The following ATG16L1 variants were observed in gnomAD, a reference collection of about 807,000 sequenced individuals.
The protein encoded by ATG16L1 is autophagy-related protein 16-1.
ATG16L1 carries 37 observed loss-of-function variants against 88.5 expected under a neutral mutation model. That is an observed-to-expected ratio of 0.42 (90% CI 0.32 to 0.55). The LOEUF (loss-of-function observed/expected upper bound fraction) is 0.55. ATG16L1 is among the 20% of genes least tolerant of loss of function. The pLI, the probability that ATG16L1 is intolerant of heterozygous loss-of-function variation, is 0.13. For synonymous variants in ATG16L1, 301 were observed against 281.0 expected (o/e 1.07, Z -0.71); for missense variants, 554 against 752.8 (o/e 0.74, Z 3.09).
At chr2:233,265,268 C>T in intron 5 of ATG16L1, 125 bp downstream of exon 5, 2 of 1,256,616 alleles carry the variant, frequency 1.6e-6, no homozygotes, top group Non-Finnish European at 2.2e-6. Context: ...TTCAGTGTTT[C>T]AAGGAGAAAA....
chr2:233,281,337 T>C (rs944380692), intron 11 of ATG16L1, among the ~76,000 whole-genome samples, 162 bp downstream of exon 11: 5 of 152,238 alleles, frequency 3.3e-5, no homozygotes, highest in African/African-American at 7.2e-5. Flanking sequence ...GGTTAATTGC[T>C]GTATCAACTC....
intron 9 of ATG16L1, chr2:233,275,410 A>G (rs966256254): frequency 3.5e-6 from 1 of 288,318 alleles, no homozygotes; most frequent in African/African-American, 2.2e-5. Context: ...ACAGAGCACA[A>G]AGAACAGAAC....
intron 11 of ATG16L1, among the ~76,000 whole-genome samples, chr2:233,282,365 G>A (rs1268174389): frequency 1.3e-5 from 2 of 152,162 alleles, no homozygotes; most frequent in Non-Finnish European, 2.9e-5. Context: ...GTGCCTCTGA[G>A]GTTTCTGACT....
chr2:233,281,151 T>C lies in ATG16L1; in HGVS notation c.1107T>C (p.Ile369=), dbSNP rs759216065. ...KGSLSGSNAG[I]TSIEFDSAGS... is the part of the protein sequence containing the mutation. ...CCCTATCTGGCAGTAATGCAGGAAT[T>C]ACAAGCATTGAATTTGATAGTGCTG... Residue 369 remains isoleucine (I), a synonymous_variant, in exon 11 of 18, where the codon ATT becomes ATC. Coordinates refer to ENST00000392017, the MANE Select transcript of ATG16L1 (RefSeq NM_030803.7). The C allele has an allele frequency of 6.2e-7, 1 of 1,603,890 alleles. No homozygotes were observed. The highest frequency in any genetic ancestry group is 8.5e-7 in the Non-Finnish European group (1 of 1,177,344).
At chr2:233,265,583 C>T (rs1360178175) in intron 5 of ATG16L1, among the ~76,000 whole-genome samples, 2 of 152,176 alleles carry the variant, frequency 1.3e-5, no homozygotes, top group African/African-American at 4.8e-5. Context: ...GATTCTCCTG[C>T]CTCAGCCTCC....
intron 12 of ATG16L1, among the ~76,000 whole-genome samples, chr2:233,289,488 C>T (rs1006906653): frequency 6.6e-6 from 1 of 151,896 alleles, no homozygotes; most frequent in Non-Finnish European, 1.5e-5. Flanking sequence ...CAGGCTCAAG[C>T]AATCCTCTTG....
chr2:233,294,483 T>C lies in ATG16L1; in HGVS notation c.*133T>C, dbSNP rs2125307444. The C allele has an allele frequency of 1.7e-6, 1 of 596,390 alleles. No homozygotes were observed. The highest frequency in any genetic ancestry group is 2.9e-6 in the Non-Finnish European group (1 of 350,468). The allele number at this position is 596,390 out of a possible 1,614,324, so 36.9% of individuals were successfully genotyped here. On this transcript the variant is annotated 3_prime_UTR_variant, in exon 18 of 18. Transcript: ENST00000392017. Reference sequence around the variant, plus strand: ...CAGAGAAGCTCAAGCTATGTGGCACTGTAGCTTTGCCGTGAATGGGATTTC... The same window carrying C: ...CAGAGAAGCTCAAGCTATGTGGCACCGTAGCTTTGCCGTGAATGGGATTTC...
chr2:233,253,050 C>T (rs543594555), intron 1 of ATG16L1, among the ~76,000 whole-genome samples: 2 of 152,252 alleles, frequency 1.3e-5, no homozygotes, highest in East Asian at 3.9e-4. Flanking sequence ...AACTAAATCA[C>T]AAGTATCACA....
chr2:233,288,731 G>T (rs1407025644), intron 12 of ATG16L1: 1 of 517,440 alleles, frequency 1.9e-6, no homozygotes, highest in Non-Finnish European at 3.9e-6. Flanking sequence ...CGGCATCCCA[G>T]TTATCCCCAG....
intron 12 of ATG16L1, among the ~76,000 whole-genome samples, chr2:233,286,643 T>TTTTTTTTTTTG (rs1553608374): frequency 5.4e-4 from 75 of 138,922 alleles, no homozygotes; most frequent in Middle Eastern, 3.6e-3. Context: ...TTTTTTTTTT[T>TTTTTTTTTTTG]GAGACAGTGT....
Position 233,274,721 on chromosome 2 carries a change from T to A in ATG16L1, c.897T>A (p.Asp299Glu), listed in dbSNP as rs1193226629. The change falls in exon 9 of 18, where the codon GAT becomes GAA. Residue 299 changes from aspartate to glutamate, a missense_variant. This residue lies in a region of ATG16L1 where 370 missense variants were observed against 509.7 expected (regional missense o/e 0.73). Coordinates refer to ENST00000392017, the MANE Select transcript of ATG16L1 (RefSeq NM_030803.7). Reference sequence around the variant, plus strand: ...TCCCAGTCCCCCAGGACAATGTGGATACTCATCCTGGTTCTGGTAAAGAAG... The same window carrying A: ...TCCCAGTCCCCCAGGACAATGTGGAAACTCATCCTGGTTCTGGTAAAGAAG... ...SSFPVPQDNV[D>E]THPGSGKEVR... The A allele has an allele frequency of 6.2e-7, 1 of 1,612,992 alleles. No homozygotes were observed. Among genetic ancestry groups the A allele is most frequent in the Non-Finnish European group, 8.5e-7 (1 of 1,179,008 alleles).
At chr2:233,290,810 A>G (rs1336905335) in intron 14 of ATG16L1, among the ~76,000 whole-genome samples, 1 of 152,188 alleles carries the variant, frequency 6.6e-6, no homozygotes, top group African/African-American at 2.4e-5. Context: ...ATACATGGCA[A>G]GTGAGCAGGA....
rs1176846477 is a variant in ATG16L1 at position 233,273,001 on chromosome 2, C to G, written c.743C>G (p.Ser248Cys). The G allele has an allele frequency of 1.2e-5, 20 of 1,614,134 alleles. No homozygotes were observed. The highest frequency in any genetic ancestry group is 1.6e-5 in the Non-Finnish European group (19 of 1,179,988). The change falls in exon 7 of 18, where the codon TCT (serine) becomes TGT (cysteine). Residue 248 changes from serine to cysteine, a missense_variant. Physicochemically the swap from Ser to Cys is moderately radical, Grantham distance 112. Coordinates refer to ENST00000392017, the MANE Select transcript of ATG16L1 (RefSeq NM_030803.7). Reference sequence around the variant, plus strand: ...ATTGAGGTCATTGTGGATGAAACTTCTGATCACACAGAAGAGACCTCTCCT... The same window carrying G: ...ATTGAGGTCATTGTGGATGAAACTTGTGATCACACAGAAGAGACCTCTCCT... Reference protein sequence around the residue: ...DDIEVIVDETSDHTEETSPVR... With the variant: ...DDIEVIVDETCDHTEETSPVR...
chr2:233,292,325 C>A, intron 15 of ATG16L1, 48 bp downstream of exon 15: 1 of 1,610,414 alleles, frequency 6.2e-7, no homozygotes, highest in East Asian at 2.2e-5. Context: ...CCCAGCCCTG[C>A]TCTCTTAACG....
chr2:233,273,105 G>C, intron 7 of ATG16L1, 53 bp downstream of exon 7: 2 of 1,438,452 alleles, frequency 1.4e-6, no homozygotes, highest in Non-Finnish European at 2.0e-6. Context: ...GCAATATGAA[G>C]GCACATCTGT....
chr2:233,253,284 A>G (rs1696514461), intron 1 of ATG16L1, among the ~76,000 whole-genome samples: 2 of 148,458 alleles, frequency 1.3e-5, no homozygotes, highest in African/African-American at 4.9e-5. Context: ...AGGCCAAGAG[A>G]GATTAGGTAA....
chr2:233,258,433 A>G (rs1361879678), intron 2 of ATG16L1, among the ~76,000 whole-genome samples: 1 of 152,184 alleles, frequency 6.6e-6, no homozygotes, highest in Non-Finnish European at 1.5e-5. Context: ...CCTAGCTTCC[A>G]TCCTTGCTTT....
chr2:233,289,377 A>ATGTG lies in ATG16L1; in HGVS notation c.1204-448_1204-445dup, dbSNP rs56993445. Among the ~76,000 whole-genome samples the ATGTG allele has an allele frequency of 5.1e-3, 661 of 129,122 alleles. 7 individuals are homozygous for ATGTG. The highest frequency in any genetic ancestry group is 0.014 in the African/African-American group (472 of 33,144). The allele number at this position is 129,122 out of a possible 152,430, so 84.7% of individuals were successfully genotyped here. A position where few individuals can be genotyped will look rare whatever the true frequency, so the allele number is the denominator to read the frequency against. ...ATTGTTGCTTCTTGTCCTGTTTGGG[A>ATGTG]TGTGTGTGTGTGTGTGTGTGTGTGT... On this transcript the variant is annotated intron_variant, in intron 12 of 17. Coordinates refer to ENST00000392017, the MANE Select transcript of ATG16L1 (RefSeq NM_030803.7).
rs1407263994 is a variant in ATG16L1 at position 233,263,045 on chromosome 2, T to A, written c.210-85T>A. The A allele has an allele frequency of 2.0e-5, 23 of 1,149,602 alleles. No homozygotes were observed. In the Admixed American group the frequency reaches 4.3e-4, roughly 21 times the overall value. 71.2% of individuals were successfully genotyped at this position (1,149,602 alleles called of 1,614,324 possible). On this transcript the variant is annotated intron_variant, in intron 2 of 17. Transcript: ENST00000392017. ...ACATGTTTCTGGAGTTATGGTTTCA[T>A]TGCCTAATTGGAAAGGTTTGGAGTC...
Sources: allele counts gnomAD v4.1 joint callset (sites outside exome capture counted in the v4.1 genomes callset), GRCh38; gene constraint gnomAD v4.1.1; regional missense constraint gnomAD v4.1.1; transcripts MANE v1.5; gene names NCBI Gene and HGNC (gene_info 2026-07-23, HGNC 2026-07-21).